The following TUFT1 variants were observed in gnomAD, a reference collection of about 807,000 sequenced individuals.
The protein encoded by TUFT1 is tuftelin 1, also known as tuftelin.
TUFT1 carries 43 observed loss-of-function variants against 57.8 expected under a neutral mutation model. That is an observed-to-expected ratio of 0.74 (90% CI 0.58 to 0.96). TUFT1 has a LOEUF of 0.96. Among genes scored for constraint, TUFT1 ranks in the 40% least tolerant of loss-of-function variants. The pLI is 0.00. For missense variants in TUFT1, 459 were observed against 489.0 expected (o/e 0.94, Z 0.58); for synonymous variants, 166 against 176.7 (o/e 0.94, Z 0.48).
intron 7 of TUFT1, among the ~76,000 whole-genome samples, chr1:151,573,709 A>C (rs1463770959): frequency 6.6e-6 from 1 of 152,122 alleles, no homozygotes; most frequent in Non-Finnish European, 1.5e-5. Flanking sequence ...GTGCCATTGC[A>C]CTCCAGCCTG....
Position 151,566,228 on chromosome 1 carries a change from G to A in TUFT1, c.480G>A (p.Glu160=). The change falls in exon 6 of 13, where the codon GAG becomes GAA. Residue 160 remains glutamate, a splice_region_variant and synonymous_variant. Coordinates refer to ENST00000368849, the MANE Select transcript of TUFT1 (RefSeq NM_020127.3). The stretch of plus-strand genomic sequence containing the variant: ...CAGCCCTGTACAGCAGCCCACCTGA[G>A]GTAGGTAACAGAGGACACCATGGTG... ...SPTALYSSPP[E]VDTCINEDVE... 2 of 1,610,392 alleles carry A rather than the reference G, an allele frequency of 1.2e-6. No individual in the cohort carries two copies. The highest frequency in any genetic ancestry group is 1.7e-6 in the Non-Finnish European group (2 of 1,178,674).
chr1:151,545,709 T>A (rs1393649695), intron 1 of TUFT1: 2 of 394,706 alleles, frequency 5.1e-6, no homozygotes, highest in Non-Finnish European at 1.1e-5. Flanking sequence ...TCCTGTTTCT[T>A]TCTCGTTTCC....
intron 1 of TUFT1, chr1:151,557,844 TG>T: frequency 1.3e-6 from 1 of 745,140 alleles, no homozygotes; most frequent in South Asian, 1.3e-5. Context: ...CTGTGCCGCC[TG>T]GTGCCGACAG....
At chr1:151,562,225 G>A in intron 2 of TUFT1, 60 bp downstream of exon 2, 2 of 1,479,098 alleles carry the variant, frequency 1.4e-6, no homozygotes, top group South Asian at 1.2e-5. Flanking sequence ...CTTGCTGCTG[G>A]CCTCTTACCC....
intron 6 of TUFT1, among the ~76,000 whole-genome samples, chr1:151,567,068 C>T (rs866997015): frequency 6.6e-5 from 10 of 152,014 alleles, no homozygotes; most frequent in South Asian, 2.1e-4. Context: ...ATAGGGCACG[C>T]GCCATTATGC....
chr1:151,543,454 G>T (rs756844741), intron 1 of TUFT1, among the ~76,000 whole-genome samples: 1 of 151,486 alleles, frequency 6.6e-6, no homozygotes, highest in Non-Finnish European at 1.5e-5. Context: ...AGTTATATTG[G>T]CAAATAAAAG....
chr1:151,557,680 C>T (rs1665751441), intron 1 of TUFT1: 4 of 857,276 alleles, frequency 4.7e-6, no homozygotes, highest in East Asian at 2.4e-5. Context: ...CCAGTATCTC[C>T]GTGATTACCT....
At chr1:151,578,894 T>A in intron 10 of TUFT1, 68 bp downstream of exon 10, 2 of 1,309,556 alleles carry the variant, frequency 1.5e-6, no homozygotes, top group South Asian at 2.5e-5. Flanking sequence ...ATTTGTTTCC[T>A]AGGGAGCTTG....
chr1:151,578,927 T>C, intron 10 of TUFT1, 101 bp downstream of exon 10: 1 of 917,530 alleles, frequency 1.1e-6, no homozygotes, highest in South Asian at 1.5e-5. Context: ...GCATTTCCCA[T>C]GTCAAACATT....
At chr1:151,552,502 G>A (rs1026609274) in intron 1 of TUFT1, among the ~76,000 whole-genome samples, 1 of 152,018 alleles carries the variant, frequency 6.6e-6, no homozygotes, top group Non-Finnish European at 1.5e-5. Context: ...TCAGGAGTTC[G>A]AGAGCAGCCT....
In TUFT1 at chr1:151,581,811, G is replaced by A. The variant is rs1666654820; in HGVS notation, c.*104G>A. The A allele has an allele frequency of 3.1e-6, 4 of 1,270,120 alleles. No homozygotes were observed. In the Admixed American group the frequency reaches 5.5e-5, roughly 17 times the overall value. The allele number at this position is 1,270,120 out of a possible 1,614,324, so 78.7% of individuals were successfully genotyped here. ...GCCTTTGACTTCCTGACTGTCCCCT[G>A]GCTGCACCCAGGACTTCGGGCTCCT... On this transcript the variant is annotated 3_prime_UTR_variant, in exon 13 of 13. Coordinates refer to ENST00000368849, the MANE Select transcript of TUFT1 (RefSeq NM_020127.3).
intron 1 of TUFT1, among the ~76,000 whole-genome samples, chr1:151,555,912 A>T (rs1390625101): frequency 6.6e-6 from 1 of 152,088 alleles, no homozygotes; most frequent in South Asian, 2.1e-4. Flanking sequence ...CACAACCAGG[A>T]TATTGGCATT....
rs78373762 is a variant in TUFT1 at position 151,569,050 on chromosome 1, G to A, written c.481-607G>A. Among the ~76,000 whole-genome samples the A allele has an allele frequency of 9.4e-3, 1,437 of 152,268 alleles. 28 individuals carry two copies. The highest frequency in any genetic ancestry group is 0.033 in the African/African-American group (1,351 of 41,536). On this transcript the variant is annotated intron_variant, in intron 6 of 12. Coordinates refer to ENST00000368849, the MANE Select transcript of TUFT1 (RefSeq NM_020127.3). ...ATCTCTAACCACCAGCCCACAGTTG[G>A]GTGTGTCTGGGAGAGACTGAGCAGT...
chr1:151,543,012 T>C (rs1665214956), intron 1 of TUFT1, among the ~76,000 whole-genome samples: 1 of 152,190 alleles, frequency 6.6e-6, no homozygotes, highest in African/African-American at 2.4e-5. Flanking sequence ...GTTGAACTGA[T>C]TAGAGATCCT....
chr1:151,563,255 C>CT (rs766289392), intron 3 of TUFT1, among the ~76,000 whole-genome samples: 1 of 151,618 alleles, frequency 6.6e-6, no homozygotes, highest in Non-Finnish European at 1.5e-5. Flanking sequence ...TATAAAACAG[C>CT]TTTTTTAGAT....
chr1:151,575,093 G>C, intron 9 of TUFT1, 88 bp downstream of exon 9: 4 of 1,184,516 alleles, frequency 3.4e-6, no homozygotes, highest in Non-Finnish European at 3.6e-6. Context: ...TGGTGGCCTG[G>C]TCTGGGGAGG....
intron 1 of TUFT1, among the ~76,000 whole-genome samples, chr1:151,556,030 A>C (rs1665687698): frequency 2.0e-5 from 3 of 152,080 alleles, no homozygotes; most frequent in African/African-American, 7.2e-5. Context: ...CTTAACTCCT[A>C]GTAACCACCA....
chr1:151,582,496 G>T lies in TUFT1; in HGVS notation c.*789G>T. ...CAGAGCCTGAAAACTGTTTTCACTGGGTTCCACCAGTCCCAGCAAAATCCT... is the reference window on the plus strand; with the variant it reads ...CAGAGCCTGAAAACTGTTTTCACTGTGTTCCACCAGTCCCAGCAAAATCCT... On this transcript the variant is annotated 3_prime_UTR_variant, in exon 13 of 13. Coordinates refer to ENST00000368849, the MANE Select transcript of TUFT1 (RefSeq NM_020127.3). 4.1e-6 allele frequency: 1 copy of T among 242,016 alleles called. No homozygotes were observed. The highest frequency in any genetic ancestry group is 8.3e-6 in the Non-Finnish European group (1 of 120,938). 15.0% of individuals were successfully genotyped at this position (242,016 alleles called of 1,614,324 possible). A position where few individuals can be genotyped will look rare whatever the true frequency, so the allele number is the denominator to read the frequency against.
At chr1:151,567,552 T>A (rs1400216110) in intron 6 of TUFT1, among the ~76,000 whole-genome samples, 1 of 151,752 alleles carries the variant, frequency 6.6e-6, no homozygotes, top group African/African-American at 2.4e-5. Context: ...TGTACTTTAT[T>A]TGTTATTTTT....
Sources: allele counts gnomAD v4.1 joint callset (sites outside exome capture counted in the v4.1 genomes callset), GRCh38; gene constraint gnomAD v4.1.1; transcripts MANE v1.5; gene names NCBI Gene and HGNC (gene_info 2026-07-23, HGNC 2026-07-21).